The following SAV1 variants were observed in gnomAD, a reference collection of about 807,000 sequenced individuals.
SAV1 encodes the protein salvador family WW domain containing protein 1, also known as protein salvador homolog 1.
SAV1 carries 23 observed loss-of-function variants against 47.3 expected under a neutral mutation model. The observed-to-expected ratio is 0.49, with a 90% CI of 0.35 to 0.69. The LOEUF (loss-of-function observed/expected upper bound fraction) is 0.69. Ranked by LOEUF, SAV1 falls within the 30% of genes least tolerant of loss-of-function variation. The pLI is 0.01. For synonymous variants in SAV1, 155 were observed against 159.2 expected (o/e 0.97, Z 0.20); for missense variants, 448 against 457.4 (o/e 0.98, Z 0.19).
At chr14:50,641,967 A>G (rs145776934) in intron 3 of SAV1, among the ~76,000 whole-genome samples, 6 of 152,328 alleles carry the variant, frequency 3.9e-5, no homozygotes, top group African/African-American at 1.4e-4. Flanking sequence ...CTAAATGCCC[A>G]TCAATGGTGG....
chr14:50,646,044 T>C (rs893055946), intron 2 of SAV1, among the ~76,000 whole-genome samples: 1 of 152,176 alleles, frequency 6.6e-6, no homozygotes, highest in African/African-American at 2.4e-5. Context: ...TCAATTCTCC[T>C]GAAATTATCT....
At chr14:50,645,285 G>C (rs923267465) in intron 2 of SAV1, among the ~76,000 whole-genome samples, 2 of 152,076 alleles carry the variant, frequency 1.3e-5, no homozygotes, top group Non-Finnish European at 2.9e-5. Context: ...ACAACAGGTT[G>C]AGCATCCCTA....
chr14:50,668,060 G>A lies in SAV1; in HGVS notation c.-93C>T, dbSNP rs975031028. The A allele has an allele frequency of 4.3e-5, 39 of 897,402 alleles. No homozygotes were observed. The African/African-American group carries it at 4.7e-4, about 11-fold the overall frequency. 55.6% of individuals were successfully genotyped at this position (897,402 alleles called of 1,614,324 possible). ...CTCCGCCGCCACCTCCGCCGGCGCC[G>A]CCGCCTCCTTCCCTCCCGAGCCGCC... is the stretch of plus-strand genomic sequence containing the variant. On this transcript the variant is annotated 5_prime_UTR_variant, in exon 1 of 5. Coordinates refer to ENST00000324679, the MANE Select transcript of SAV1 (RefSeq NM_021818.4).
chr14:50,635,421 C>T (rs373039244), intron 4 of SAV1, 37 bp from the exon 5 acceptor site: 3 of 1,448,440 alleles, frequency 2.1e-6, no homozygotes, highest in African/African-American at 1.4e-5. Flanking sequence ...GTTCACAACA[C>T]ATACATAAAC....
chr14:50,648,788 A>AG (rs2039743889), intron 2 of SAV1, among the ~76,000 whole-genome samples: 1 of 152,112 alleles, frequency 6.6e-6, no homozygotes, highest in African/African-American at 2.4e-5. Context: ...AAAAAAAAAA[A>AG]GAATACTAAT....
chr14:50,646,602 CT>C (rs2039723877), intron 2 of SAV1, among the ~76,000 whole-genome samples: 2 of 148,622 alleles, frequency 1.3e-5, no homozygotes, highest in Non-Finnish European at 3.0e-5. Context: ...AGGAGAATTG[CT>C]TGAACCCGAG....
At chr14:50,653,297 T>C (rs2039784815) in intron 2 of SAV1, among the ~76,000 whole-genome samples, 1 of 152,192 alleles carries the variant, frequency 6.6e-6, no homozygotes, top group Non-Finnish European at 1.5e-5. Context: ...CTTTTGTAGG[T>C]GGCTAGGGTA....
At chr14:50,641,086 G>T (rs1351950938) in intron 3 of SAV1, among the ~76,000 whole-genome samples, 193 bp from the exon 4 acceptor site, 1 of 152,126 alleles carries the variant, frequency 6.6e-6, no homozygotes, top group Non-Finnish European at 1.5e-5. Context: ...CAGGTTCAAA[G>T]GAGGATATGA....
At chr14:50,638,983 G>A (rs2039659558) in intron 4 of SAV1, among the ~76,000 whole-genome samples, 1 of 152,126 alleles carries the variant, frequency 6.6e-6, no homozygotes, top group African/African-American at 2.4e-5. Context: ...TAGCCAGGAT[G>A]GTCTCGATCT....
rs1211742646 is a variant in SAV1, at chr14:50,644,733, T to G, written c.806+11A>C. On this transcript the variant is annotated intron_variant, in intron 3 of 4. Transcript: ENST00000324679. ...CGAAACAAAAAGTTGAAAATAAAGT[T>G]GATACTGTACCTAGGAGCACAGGGA... is the stretch of plus-strand genomic sequence containing the variant. 7 of 1,599,146 alleles carry G rather than the reference T, an allele frequency of 4.4e-6. No individual in the cohort carries two copies. Among genetic ancestry groups the G allele is most frequent in the Non-Finnish European group, 6.0e-6 (7 of 1,169,850 alleles).
intron 3 of SAV1, among the ~76,000 whole-genome samples, chr14:50,641,973 G>A (rs1054925857): frequency 8.5e-5 from 13 of 152,168 alleles, no homozygotes; most frequent in African/African-American, 2.9e-4. Flanking sequence ...GCCCATCAAT[G>A]GTGGGCTGGA....
chr14:50,641,233 C>T (rs1260980125), intron 3 of SAV1, among the ~76,000 whole-genome samples: 4 of 152,130 alleles, frequency 2.6e-5, no homozygotes, highest in African/African-American at 7.2e-5. Context: ...TCCTTCCTCC[C>T]GTAGGCTGAA....
In SAV1 at chr14:50,635,080, C is replaced by T; in HGVS notation, c.*103G>A. 1.3e-6 allele frequency: 1 copy of T among 774,510 alleles called. No individual in the cohort carries two copies. Among genetic ancestry groups the T allele is most frequent in the Non-Finnish European group, 2.1e-6 (1 of 485,102 alleles). The allele number at this position is 774,510 out of a possible 1,614,324, so 48.0% of individuals were successfully genotyped here. A position where few individuals can be genotyped will look rare whatever the true frequency, so the allele number is the denominator to read the frequency against. On this transcript the variant is annotated 3_prime_UTR_variant, in exon 5 of 5. Transcript: ENST00000324679. ...TGTAAAGTTAGAATTTTATAATTTC[C>T]ACAAAGGAAGCAGCATTTATTAACC...
chr14:50,667,759 T>G, intron 1 of SAV1, 115 bp downstream of exon 1: 1 of 734,108 alleles, frequency 1.4e-6, no homozygotes, highest in South Asian at 1.7e-5. Context: ...AAACCAGTAT[T>G]TCACGCGACC....
chr14:50,664,643 T>C (rs1240682453), intron 2 of SAV1: 5 of 152,260 alleles, frequency 3.3e-5, no homozygotes, highest in Non-Finnish European at 7.3e-5. Flanking sequence ...TAATTAACCA[T>C]ATGACAATAA....
chr14:50,650,944 C>T (rs1440656130), intron 2 of SAV1, among the ~76,000 whole-genome samples: 2 of 152,036 alleles, frequency 1.3e-5, no homozygotes, highest in African/African-American at 4.8e-5. Flanking sequence ...AACACTTGAA[C>T]CTGGGAGATG....
chr14:50,634,065 G>T lies in SAV1; in HGVS notation c.*1118C>A. On this transcript the variant is annotated 3_prime_UTR_variant, in exon 5 of 5. Coordinates refer to ENST00000324679, the MANE Select transcript of SAV1 (RefSeq NM_021818.4). Reference sequence around the variant, plus strand: ...GACCAAAAATTTTTTTTGAATCCCTGGTTGTCATTTTTGGTAGCTTAACCC... The same window carrying T: ...GACCAAAAATTTTTTTTGAATCCCTTGTTGTCATTTTTGGTAGCTTAACCC... The T allele has an allele frequency of 3.5e-6, 1 of 289,652 alleles. No homozygotes were observed. Among genetic ancestry groups the T allele is most frequent in the Non-Finnish European group, 7.3e-6 (1 of 136,630 alleles). 17.9% of individuals were successfully genotyped at this position (289,652 alleles called of 1,614,324 possible).
At position 50,640,754 on chromosome 14, in the gene SAV1, C is replaced by G; in HGVS notation, c.946G>C (p.Val316Leu). ...TTGTGTTGTAAATGTACTTACTTCA[C>G]AGGGGCTCGTGCGTAAACCTGAAGC... ...DWLQVYARAP[V>L]KYDHILKWEL... Residue 316 changes from valine (V) to leucine (L), a missense_variant, in exon 4 of 5, where the codon GTG becomes CTG. Coordinates refer to ENST00000324679, the MANE Select transcript of SAV1 (RefSeq NM_021818.4). 6.2e-7 allele frequency: 1 copy of G among 1,612,274 alleles called. No individual in the cohort carries two copies. Among genetic ancestry groups the G allele is most frequent in the Non-Finnish European group, 8.5e-7 (1 of 1,178,984 alleles).
Position 50,665,619 on chromosome 14 carries a change from T to C in SAV1, c.95A>G (p.Asn32Ser), listed in dbSNP as rs2039896006. 2 of 1,582,606 alleles carry C rather than the reference T, an allele frequency of 1.3e-6. No individual in the cohort carries two copies. Residue 32 changes from asparagine (N) to serine (S), a missense_variant and splice_region_variant, in exon 2 of 5, where the codon AAT (asparagine) becomes AGT (serine). Transcript: ENST00000324679. ...VKKETSPLLRNLMPSFIRHGP... is the reference protein window; with the variant it reads ...VKKETSPLLRSLMPSFIRHGP... ...ATGCCGGATGAATGAAGGCATAAGA[T>C]CTACAATAAAACAAAGGATAAAATT...
Sources: gnomAD v4.1 joint callset for allele counts (sites outside exome capture counted in the v4.1 genomes callset) on GRCh38, gnomAD v4.1.1 for gene constraint, MANE v1.5 for transcripts, NCBI Gene and HGNC (gene_info 2026-07-23, HGNC 2026-07-21) for gene names.